The following KLF16 variants were observed in gnomAD, a reference collection of about 807,000 sequenced individuals.
KLF16 encodes the protein KLF transcription factor 16, also known as Krueppel-like factor 16.
KLF16 carries 6 observed loss-of-function variants against 6.1 expected under a neutral mutation model. That is an observed-to-expected ratio of 0.98 (90% CI 0.54 to 1.93). KLF16 has a LOEUF of 1.93. Among genes scored for constraint, KLF16 ranks in the 30% most tolerant of loss-of-function variants. The pLI is 0.01. For synonymous variants in KLF16, 211 were observed against 176.5 expected, an observed-to-expected ratio of 1.20 and a Z score of -1.55; for missense variants, 355 against 363.8, an observed-to-expected ratio of 0.98 and a Z score of 0.20.
intron 1 of KLF16, among the ~76,000 whole-genome samples, chr19:1,856,599 TG>T (rs1430730774): frequency 6.6e-6 from 1 of 152,018 alleles, no homozygotes; most frequent in East Asian, 1.9e-4. Flanking sequence ...CCGCCCCAGC[TG>T]GGGGCCGTCT....
rs568802948 is a variant in KLF16, at chr19:1,854,079, G to A, written c.*380C>T. ...TCCCAATCTGCAGGGATGGGGCAGG[G>A]GGTGCTTTCCCCGGGCCGGCTCCCA... On this transcript the variant is annotated 3_prime_UTR_variant, in exon 2 of 2. Coordinates refer to ENST00000250916, the MANE Select transcript of KLF16 (RefSeq NM_031918.4). 62 of 217,060 alleles carry A rather than the reference G, an allele frequency of 2.9e-4. No individual in the cohort carries two copies. The Middle Eastern group carries it at 6.1e-3, about 21-fold the overall frequency. The allele number at this position is 217,060 out of a possible 1,614,324, so 13.4% of individuals were successfully genotyped here.
rs1017498663 is a variant in KLF16 at position 1,856,959 on chromosome 19, G to T, written c.458-2199C>A. On this transcript the variant is annotated intron_variant, in intron 1 of 1. Coordinates refer to ENST00000250916, the MANE Select transcript of KLF16 (RefSeq NM_031918.4). Reference sequence around the variant, plus strand: ...AGGAGGAGCAGGTTGCCGGGGTGGGGGGGGCGACCGGGGCAGGGGCGCGCA... The same window carrying T: ...AGGAGGAGCAGGTTGCCGGGGTGGGTGGGGCGACCGGGGCAGGGGCGCGCA... Among the ~76,000 whole-genome samples the T allele has an allele frequency of 2.2e-5, 3 of 137,990 alleles. 1 individual carries two copies. The highest frequency in any genetic ancestry group is 2.4e-4 in the South Asian group (1 of 4,240). 90.5% of individuals were successfully genotyped at this position (137,990 alleles called of 152,430 possible). A position where few individuals can be genotyped will look rare whatever the true frequency, so the allele number is the denominator to read the frequency against.
the KLF16 span, among the ~76,000 whole-genome samples, chr19:1,874,084 A>G: frequency 2.6e-5 from 4 of 152,220 alleles, no homozygotes; most frequent in African/African-American, 9.7e-5. Context: ...AACTAGTACC[A>G]CATGGATCAG....
chr19:1,862,292 AG>A (rs1183320906), intron 1 of KLF16, among the ~76,000 whole-genome samples: 1 of 152,126 alleles, frequency 6.6e-6, no homozygotes, highest in East Asian at 1.9e-4. Flanking sequence ...CTGCGCTAGG[AG>A]GGGCGTTGGT....
the KLF16 span, among the ~76,000 whole-genome samples, chr19:1,873,954 TG>T: frequency 2.0e-5 from 3 of 152,216 alleles, no homozygotes; most frequent in Admixed American, 6.5e-5. Flanking sequence ...AGCTTGAGAA[TG>T]GGGCTGCCTG....
chr19:1,873,024 C>T, the KLF16 span, among the ~76,000 whole-genome samples: 25 of 152,198 alleles, frequency 1.6e-4, no homozygotes, highest in African/African-American at 5.8e-4. Flanking sequence ...AAAGAGGAGG[C>T]GCCTGCTCCC....
chr19:1,856,754 G>T (rs2011957532), intron 1 of KLF16, among the ~76,000 whole-genome samples: 1 of 152,238 alleles, frequency 6.6e-6, no homozygotes, highest in African/African-American at 2.4e-5. Context: ...ACGGGATTGG[G>T]GCTCGCGCCC....
chr19:1,876,021 C>T, the KLF16 span: 2 of 152,332 alleles, frequency 1.3e-5, no homozygotes, highest in Non-Finnish European at 2.9e-5. Flanking sequence ...ACGAGGAACT[C>T]GAGGCCGAGG....
chr19:1,868,062 CAT>C (rs1491257758), upstream of KLF16, among the ~76,000 whole-genome samples: 9 of 152,140 alleles, frequency 5.9e-5, no homozygotes, highest in East Asian at 1.5e-3. Context: ...AGTACTCAAA[CAT>C]TTTTTTTTAC....
In KLF16 at chr19:1,857,154, G is replaced by A. The variant is rs887425987; in HGVS notation, c.458-2394C>T. On this transcript the variant is annotated intron_variant, in intron 1 of 1. Coordinates refer to ENST00000250916, the MANE Select transcript of KLF16 (RefSeq NM_031918.4). This position sits in a 1 kb window ranked among gnomAD's most constrained non-coding sequence, Gnocchi z 4.7. ...CAGCCCCGCCCCGCGCTTGGAGACT[G>A]AGGCGCGCACATGCGCACGTGGGTG... Among the ~76,000 whole-genome samples, 3 of 152,182 alleles carry A rather than the reference G, an allele frequency of 2.0e-5. No homozygotes were observed. The highest frequency in any genetic ancestry group is 7.2e-5 in the African/African-American group (3 of 41,430).
At chr19:1,864,621 C>A (rs2012154438), upstream of KLF16, among the ~76,000 whole-genome samples, 1 of 152,214 alleles carries the variant, frequency 6.6e-6, no homozygotes, top group Admixed American at 6.5e-5. Context: ...TCAGAGGTTC[C>A]CCGCCCTGCT....
chr19:1,864,095 T>A (rs551720873), upstream of KLF16, among the ~76,000 whole-genome samples: 2 of 126,962 alleles, frequency 1.6e-5, no homozygotes, highest in African/African-American at 5.9e-5. Flanking sequence ...GCGCCCCGCC[T>A]CCTCGCTGGC....
rs2011969417 is a variant in KLF16 at position 1,857,113 on chromosome 19, C to T, written c.458-2353G>A. Among the ~76,000 whole-genome samples the T allele has an allele frequency of 1.3e-5, 2 of 151,998 alleles. No individual in the cohort carries two copies. The highest frequency in any genetic ancestry group is 2.1e-4 in the South Asian group (1 of 4,828). On this transcript the variant is annotated intron_variant, in intron 1 of 1. Transcript: ENST00000250916. This position sits in a 1 kb window ranked among gnomAD's most constrained non-coding sequence, Gnocchi z 4.7. Reference sequence around the variant, plus strand: ...GGGGCCCGGGCCAGGGTCGCCTCTCCGGCCTGGGTGCCTGCCAGCCCCGCC... The same window carrying T: ...GGGGCCCGGGCCAGGGTCGCCTCTCTGGCCTGGGTGCCTGCCAGCCCCGCC...
chr19:1,869,052 A>T, the KLF16 span, among the ~76,000 whole-genome samples: 5 of 152,278 alleles, frequency 3.3e-5, no homozygotes, highest in Admixed American at 1.3e-4. Context: ...GAGACTCAAG[A>T]GACATAAGGA....
chr19:1,870,938 G>C, the KLF16 span, among the ~76,000 whole-genome samples: 3 of 152,350 alleles, frequency 2.0e-5, no homozygotes, highest in East Asian at 5.8e-4. Flanking sequence ...GGAGATTGCT[G>C]TAAGCCAAGA....
At chr19:1,875,539 A>G in the KLF16 span, 1 of 152,090 alleles carries the variant, frequency 6.6e-6, no homozygotes, top group South Asian at 2.1e-4. Flanking sequence ...TTCACCAAAT[A>G]CCCTTTCAGG....
chr19:1,864,029 C>T (rs1253739391), upstream of KLF16, among the ~76,000 whole-genome samples: 1 of 146,832 alleles, frequency 6.8e-6, no homozygotes, highest in African/African-American at 2.5e-5. Context: ...TCCGGCACGC[C>T]CCTCCTTCCG....
the KLF16 span, among the ~76,000 whole-genome samples, chr19:1,872,809 T>C: frequency 6.6e-6 from 1 of 151,832 alleles, no homozygotes; most frequent in African/African-American, 2.4e-5. Flanking sequence ...CCCAGAATCG[T>C]TGTGAAGATC....
the KLF16 span, among the ~76,000 whole-genome samples, chr19:1,868,828 A>G: frequency 6.6e-6 from 1 of 151,986 alleles, no homozygotes; most frequent in East Asian, 1.9e-4. Context: ...CTTTTACTAG[A>G]AACAGGGTTT....
Sources: allele counts gnomAD v4.1 joint callset (sites outside exome capture counted in the v4.1 genomes callset), GRCh38; gene constraint gnomAD v4.1.1; non-coding constraint Gnocchi (gnomAD v3.1); transcripts MANE v1.5; gene names NCBI Gene and HGNC (gene_info 2026-07-23, HGNC 2026-07-21).